CERS4: variants seen among roughly 807,000 people sequenced by gnomAD.
CERS4 encodes the protein LAG1 homolog, ceramide synthase 4.
CERS4 carries 65 observed loss-of-function variants against 51.8 expected under a neutral mutation model. The ratio of observed to expected loss-of-function variants is 1.26; its 90% CI spans 1.03 to 1.54. The LOEUF (loss-of-function observed/expected upper bound fraction) is 1.54. Ranked by LOEUF, CERS4 falls within the 40% of genes most tolerant of loss-of-function variation. The pLI, the probability that CERS4 is intolerant of heterozygous loss-of-function variation, is 0.00. For missense variants in CERS4, 563 were observed against 500.4 expected (o/e 1.13, Z -1.19); for synonymous variants, 228 against 208.4 (o/e 1.09, Z -0.81).
At chr19:8,232,132 ATCC>A (rs1348678885) in intron 2 of CERS4, among the ~76,000 whole-genome samples, 1 of 151,458 alleles carries the variant, frequency 6.6e-6, no homozygotes, top group African/African-American at 2.4e-5. Context: ...ACCCGGCCCT[ATCC>A]TCTTAATCTT....
At position 8,255,649 on chromosome 19, in the gene CERS4, C is replaced by T. The variant is rs758933009; in HGVS notation, c.334C>T (p.Gln112Ter). 1.2e-6 allele frequency: 2 copies of T among 1,612,938 alleles called. No individual in the cohort carries two copies. Among genetic ancestry groups the T allele is most frequent in the Non-Finnish European group, 1.7e-6 (2 of 1,179,994 alleles). ...LLAAQCGLTL[Q>*]QTQRWFRRRR... ...GGCCGCCCAGTGTGGCCTCACGCTGCAGCAGACCCAGCGATGGTTCCGGAG... is the reference window on the plus strand; with the variant it reads ...GGCCGCCCAGTGTGGCCTCACGCTGTAGCAGACCCAGCGATGGTTCCGGAG... Residue 112 changes from glutamine to a stop codon, truncating the protein, a stop_gained, in exon 5 of 12, where the codon CAG becomes TAG. Coordinates refer to ENST00000251363, the MANE Select transcript of CERS4 (RefSeq NM_024552.3). LOFTEE classifies it high-confidence loss of function.
chr19:8,249,999 C>T (rs1968994456), intron 2 of CERS4, among the ~76,000 whole-genome samples: 1 of 150,782 alleles, frequency 6.6e-6, no homozygotes, highest in Non-Finnish European at 1.5e-5. Context: ...TTTTTTGAGA[C>T]AGTTTTTCTC....
chr19:8,262,160 T>G lies in CERS4; in HGVS notation c.*51T>G. On this transcript the variant is annotated 3_prime_UTR_variant, in exon 12 of 12. Coordinates refer to ENST00000251363, the MANE Select transcript of CERS4 (RefSeq NM_024552.3). Reference sequence around the variant, plus strand: ...TGCCCCCCCGCCAGTGCCTTGGATATTTCTGGGGTGACTGGACTGGCGCCC... The same window carrying G: ...TGCCCCCCCGCCAGTGCCTTGGATAGTTCTGGGGTGACTGGACTGGCGCCC... 2.8e-6 allele frequency: 4 copies of G among 1,410,278 alleles called. No homozygotes were observed. The highest frequency in any genetic ancestry group is 1.6e-5 in the South Asian group (1 of 60,616). The allele number at this position is 1,410,278 out of a possible 1,614,324, so 87.4% of individuals were successfully genotyped here.
At position 8,261,774 on chromosome 19, in the gene CERS4, T is replaced by C. The variant is rs1403245539; in HGVS notation, c.935T>C (p.Leu312Pro). Residue 312 changes from leucine to proline, a missense_variant, in exon 11 of 12, where the codon CTG (leucine) becomes CCG (proline). By Grantham distance (98) the Leu-to-Pro change is moderately conservative (BLOSUM62 -3). Coordinates refer to ENST00000251363, the MANE Select transcript of CERS4 (RefSeq NM_024552.3). ...TTCTTCAACGGGCTTCTGATGTTGC[T>C]GCAGCTGCTGCACGTGTTCTGGTCT... ...YYFFNGLLMLLQLLHVFWSCL... is the reference protein window; with the variant it reads ...YYFFNGLLMLPQLLHVFWSCL... The C allele has an allele frequency of 6.2e-7, 1 of 1,614,070 alleles. No homozygotes were observed. Among genetic ancestry groups the C allele is most frequent in the Admixed American group, 1.7e-5 (1 of 60,000 alleles).
chr19:8,255,349 C>T (rs1321366222), intron 4 of CERS4, among the ~76,000 whole-genome samples: 1 of 152,132 alleles, frequency 6.6e-6, no homozygotes, highest in Non-Finnish European at 1.5e-5. Flanking sequence ...GGGGATGCTG[C>T]ACGCCAGCAT....
chr19:8,253,523 G>C (rs1038283949), intron 3 of CERS4, among the ~76,000 whole-genome samples: 12 of 147,418 alleles, frequency 8.1e-5, no homozygotes, highest in Admixed American at 2.8e-4. Flanking sequence ...GCAGTGGTGC[G>C]ATCTCGACTC....
chr19:8,219,856 G>A (rs1007758675), intron 2 of CERS4, among the ~76,000 whole-genome samples: 27 of 151,286 alleles, frequency 1.8e-4, no homozygotes, highest in Admixed American at 7.9e-4. Context: ...TGGCATGGGT[G>A]CCTGTAGTCT....
intron 2 of CERS4, among the ~76,000 whole-genome samples, chr19:8,220,776 G>A (rs896471515): frequency 6.6e-6 from 1 of 151,880 alleles, no homozygotes; most frequent in African/African-American, 2.4e-5. Flanking sequence ...GCCTTCCCAT[G>A]GCATCAAGGC....
intron 2 of CERS4, among the ~76,000 whole-genome samples, chr19:8,247,494 C>A (rs575563806): frequency 6.6e-6 from 1 of 152,166 alleles, no homozygotes; most frequent in East Asian, 1.9e-4. Context: ...ATCGTAGCTC[C>A]CTGCAGCCTC....
At chr19:8,238,839 C>T (rs1433114577) in intron 2 of CERS4, among the ~76,000 whole-genome samples, 5 of 152,058 alleles carry the variant, frequency 3.3e-5, no homozygotes, top group African/African-American at 4.8e-5. Context: ...TGGCTTGTGT[C>T]GGTAATCCTA....
At chr19:8,254,353 C>A in intron 3 of CERS4, 146 bp from the exon 4 acceptor site, 1 of 367,296 alleles carries the variant, frequency 2.7e-6, no homozygotes, top group Non-Finnish European at 5.2e-6. Context: ...GTCTTACACA[C>A]CCTGCCATGT....
chr19:8,251,220 C>T lies in CERS4; in HGVS notation c.144C>T (p.Val48=). ...TGGCAGCCCTGCCCCTGGCGCTGGTCCTCCTGGCCATGCGCCTTGCCTTTG... is the reference window on the plus strand; with the variant it reads ...TGGCAGCCCTGCCCCTGGCGCTGGTTCTCCTGGCCATGCGCCTTGCCTTTG... ...DLLAALPLAL[V]LLAMRLAFER... is the part of the protein sequence containing the mutation. The change falls in exon 3 of 12, where the codon GTC becomes GTT. Residue 48 remains valine, a synonymous_variant. Coordinates refer to ENST00000251363, the MANE Select transcript of CERS4 (RefSeq NM_024552.3). 1 of 1,609,972 alleles carries T rather than the reference C, an allele frequency of 6.2e-7. No homozygotes were observed. Among genetic ancestry groups the T allele is most frequent in the Non-Finnish European group, 8.5e-7 (1 of 1,178,332 alleles).
chr19:8,226,948 G>C (rs1365292925), intron 2 of CERS4, among the ~76,000 whole-genome samples: 1 of 152,124 alleles, frequency 6.6e-6, no homozygotes, highest in Non-Finnish European at 1.5e-5. Flanking sequence ...GACCAACATG[G>C]AGAAACCCTG....
intron 4 of CERS4, 121 bp from the exon 5 acceptor site, chr19:8,255,486 G>T (rs1414233649): frequency 2.3e-6 from 2 of 854,928 alleles, no homozygotes; most frequent in Non-Finnish European, 1.9e-6. Context: ...TATAGACATG[G>T]TCACCCTGTA....
Position 8,257,049 on chromosome 19 carries a change from T to TA in CERS4, c.714dup (p.His239ThrfsTer5), listed in dbSNP as rs774262873. ...CGCATTGGCTCTCTGGTGCTGCTGTTACACGATTCCTCTGACTACCTGCTG... is the reference window on the plus strand; with the variant it reads ...CGCATTGGCTCTCTGGTGCTGCTGTTAACACGATTCCTCTGACTACCTGCTG... On this transcript the variant is annotated frameshift_variant, in exon 9 of 12. Transcript: ENST00000251363. LOFTEE classifies it high-confidence loss of function. The TA allele has an allele frequency of 6.8e-6, 11 of 1,610,782 alleles. No individual in the cohort carries two copies. In the Admixed American group the frequency reaches 8.4e-5, roughly 12 times the overall value.
At chr19:8,213,091 G>A (rs958758933) in intron 2 of CERS4, among the ~76,000 whole-genome samples, 1 of 151,718 alleles carries the variant, frequency 6.6e-6, no homozygotes, top group Non-Finnish European at 1.5e-5. Flanking sequence ...CCAGGCTGGG[G>A]TGCAGTGGTG....
intron 7 of CERS4, 150 bp from the exon 8 acceptor site, chr19:8,256,468 C>T (rs538018564): frequency 1.0e-6 from 1 of 962,060 alleles, no homozygotes. Flanking sequence ...TCCACCAAAC[C>T]ACTGCCCTTG....
rs182437431 is a variant in CERS4 at position 8,231,788 on chromosome 19, G to A, written c.-1-19288G>A. Among the ~76,000 whole-genome samples, 120 of 149,982 alleles carry A rather than the reference G, an allele frequency of 8.0e-4. 4 individuals carry two copies. In the East Asian group the frequency reaches 0.015, roughly 18 times the overall value. ...AGGATGGTCTCGATTTCCTGACCTC[G>A]TGATCCGCCTGCCTTGGCCTCCCAA... On this transcript the variant is annotated intron_variant, in intron 2 of 11. Transcript: ENST00000251363.
intron 2 of CERS4, among the ~76,000 whole-genome samples, chr19:8,231,754 G>A (rs562916650): frequency 5.0e-4 from 75 of 151,108 alleles, no homozygotes; most frequent in African/African-American, 1.6e-3. Context: ...GGGTTTCATC[G>A]TGTTAGCCAG....
Sources: allele counts gnomAD v4.1 joint callset (sites outside exome capture counted in the v4.1 genomes callset), GRCh38; gene constraint gnomAD v4.1.1; transcripts MANE v1.5; gene names NCBI Gene and HGNC (gene_info 2026-07-23, HGNC 2026-07-21).